MARK4: variants seen among roughly 807,000 people sequenced by gnomAD.
MARK4 encodes MAP/microtubule affinity-regulating kinase 4.
In MARK4, 19 loss-of-function variants were observed where a neutral mutation model predicts 81.5. That is an observed-to-expected ratio of 0.23 (90% CI 0.16 to 0.34). The LOEUF (loss-of-function observed/expected upper bound fraction) is 0.34, where lower values mean the gene tolerates loss of function less well. Among genes scored for constraint, MARK4 ranks in the 10% least tolerant of loss-of-function variants. MARK4 has a pLI of 1.00. For synonymous variants in MARK4, 436 were observed against 439.0 expected (o/e 0.99, Z 0.08); for missense variants, 772 against 1,058.8 (o/e 0.73, Z 3.76).
chr19:45,260,060 C>T (rs1313453635), intron 2 of MARK4, among the ~76,000 whole-genome samples: 1 of 151,318 alleles, frequency 6.6e-6, no homozygotes, highest in Non-Finnish European at 1.5e-5. Context: ...GCACTCCAGC[C>T]TGGGTGACAG....
chr19:45,293,301 C>T (rs1198446415), intron 13 of MARK4, among the ~76,000 whole-genome samples: 2 of 151,922 alleles, frequency 1.3e-5, no homozygotes, highest in East Asian at 3.9e-4. Flanking sequence ...CCAATGGACC[C>T]CTGGTAAAAA....
chr19:45,280,153 A>G, intron 10 of MARK4: 1 of 480,988 alleles, frequency 2.1e-6, no homozygotes, highest in Non-Finnish European at 3.8e-6. Context: ...GTTTCAAACC[A>G]GCCTGGACAA....
chr19:45,276,292 G>T lies in MARK4; in HGVS notation c.787-1631G>T, dbSNP rs886403940. Among the ~76,000 whole-genome samples the T allele has an allele frequency of 3.9e-5, 6 of 152,320 alleles. No homozygotes were observed. The South Asian group carries it at 1.0e-3, about 26-fold the overall frequency. On this transcript the variant is annotated intron_variant, in intron 8 of 16. Transcript: ENST00000262891. Reference sequence around the variant, plus strand: ...TCTTCCCACCTTGGCCTCCCGAAGTGCTGGGATTATAGACATAAGCCACCA... The same window carrying T: ...TCTTCCCACCTTGGCCTCCCGAAGTTCTGGGATTATAGACATAAGCCACCA...
At chr19:45,283,050 A>G (rs1273533047) in intron 12 of MARK4, among the ~76,000 whole-genome samples, 1 of 152,084 alleles carries the variant, frequency 6.6e-6, no homozygotes, top group Non-Finnish European at 1.5e-5. Flanking sequence ...AGAGTTGTAC[A>G]TCTATCATGA....
intron 8 of MARK4, among the ~76,000 whole-genome samples, chr19:45,274,077 G>A (rs972551222): frequency 4.0e-4 from 61 of 151,624 alleles, no homozygotes; most frequent in African/African-American, 1.2e-3. Flanking sequence ...CTGAAACCCC[G>A]TCTCTTCTAA....
chr19:45,278,162 A>T (rs1244543333), intron 9 of MARK4, 120 bp downstream of exon 9: 1 of 1,422,586 alleles, frequency 7.0e-7, no homozygotes, highest in East Asian at 2.3e-5. Flanking sequence ...CCCACCGAAG[A>T]TCTGCTGCTG....
rs569002843 is a variant in MARK4 at position 45,297,420 on chromosome 19, A to T, written c.1599-256A>T. ...TGCGTTTAGAGAGAGGAGAGTTGTG[A>T]TAGGAGATGATTTGGAGCGGGTAGA... On this transcript the variant is annotated intron_variant, in intron 14 of 16. Transcript: ENST00000262891. 1.2e-4 allele frequency among the ~76,000 whole-genome samples: 18 copies of T among 152,292 alleles called. No homozygotes were observed. In the South Asian group the frequency reaches 3.5e-3, roughly 30 times the overall value.
chr19:45,256,532 T>A (rs573279448), intron 1 of MARK4, among the ~76,000 whole-genome samples: 14 of 152,314 alleles, frequency 9.2e-5, no homozygotes, highest in Non-Finnish European at 1.6e-4. Context: ...CCACTGGGAA[T>A]CAAATGTTGA....
chr19:45,289,385 CA>C (rs35129419), intron 13 of MARK4, among the ~76,000 whole-genome samples: 2,271 of 51,574 alleles, frequency 0.044, 11 homozygotes, highest in East Asian at 0.12. Flanking sequence ...GACTCTGTTT[CA>C]AAAAAAAAAA....
intron 12 of MARK4, among the ~76,000 whole-genome samples, chr19:45,283,396 T>C (rs1294078988): frequency 8.3e-6 from 1 of 119,926 alleles, no homozygotes; most frequent in East Asian, 2.3e-4. Context: ...GCGATAAGAG[T>C]GAGACTTCCT....
In MARK4 at chr19:45,303,384, G is replaced by C. The variant is rs976197367; in HGVS notation, c.*674G>C. ...CCCCCCTCCCCAATGCTGACCCTAG[G>C]ATTTTCCTTCCCTGCCCTCACCTGC... On this transcript the variant is annotated 3_prime_UTR_variant, in exon 17 of 17. Coordinates refer to ENST00000262891, the MANE Select transcript of MARK4 (RefSeq NM_001199867.2). 22 of 152,342 alleles carry C rather than the reference G, an allele frequency of 1.4e-4. No individual in the cohort carries two copies. The highest frequency in any genetic ancestry group is 5.3e-4 in the African/African-American group (22 of 41,384). The allele number at this position is 152,342 out of a possible 1,614,324, so 9.4% of individuals were successfully genotyped here. A position where few individuals can be genotyped will look rare whatever the true frequency, so the allele number is the denominator to read the frequency against.
intron 2 of MARK4, among the ~76,000 whole-genome samples, chr19:45,261,339 TAAAG>T (rs1267880280): frequency 5.3e-5 from 8 of 152,130 alleles, no homozygotes; most frequent in African/African-American, 1.4e-4. Context: ...GCAAATCAAT[TAAAG>T]AAAGCTGTGT....
intron 16 of MARK4, among the ~76,000 whole-genome samples, chr19:45,301,569 A>AAAAAAAAAT (rs1970973008): frequency 6.7e-6 from 1 of 148,918 alleles, no homozygotes; most frequent in Non-Finnish European, 1.5e-5. Flanking sequence ...AAAAAAAAAA[A>AAAAAAAAAT]AAAAAAAAAA....
Position 45,303,874 on chromosome 19 carries a change from T to C in MARK4, c.*1164T>C. The stretch of plus-strand genomic sequence containing the variant: ...CTGGAATGGGGTGTTGAAGGATGAG[T>C]AGGAGTTAGTTAGGCATTGAGTTTG... On this transcript the variant is annotated 3_prime_UTR_variant, in exon 17 of 17. Coordinates refer to ENST00000262891, the MANE Select transcript of MARK4 (RefSeq NM_001199867.2). The C allele has an allele frequency of 6.6e-6, 1 of 151,904 alleles. No individual in the cohort carries two copies. The highest frequency in any genetic ancestry group is 1.9e-4 in the East Asian group (1 of 5,184). The allele number at this position is 151,904 out of a possible 1,614,324, so 9.4% of individuals were successfully genotyped here.
chr19:45,297,048 CA>C (rs35511511), intron 14 of MARK4, among the ~76,000 whole-genome samples: 2,321 of 90,530 alleles, frequency 0.026, 46 homozygotes, highest in African/African-American at 0.071. Flanking sequence ...GACTCTGTCT[CA>C]AAAAAAAAAA....
rs764644423 is a variant in MARK4, at chr19:45,259,096, G to A, written c.159G>A (p.Gln53=). Residue 53 remains glutamine, a synonymous_variant, in exon 2 of 17, where the codon CAG becomes CAA. Coordinates refer to ENST00000262891, the MANE Select transcript of MARK4 (RefSeq NM_001199867.2). ...RNSIASCPEE[Q]PHVGNYRLLR... is the part of the protein sequence containing the mutation. Reference sequence around the variant, plus strand: ...CCATCGCCTCCTGTCCCGAGGAGCAGCCCCACGTGGGCAACTACCGCCTGC... The same window carrying A: ...CCATCGCCTCCTGTCCCGAGGAGCAACCCCACGTGGGCAACTACCGCCTGC... The A allele has an allele frequency of 6.2e-7, 1 of 1,614,058 alleles. No homozygotes were observed. Among genetic ancestry groups the A allele is most frequent in the African/African-American group, 1.3e-5 (1 of 74,956 alleles).
intron 1 of MARK4, among the ~76,000 whole-genome samples, chr19:45,252,116 C>T (rs1339988954): frequency 1.3e-5 from 2 of 152,014 alleles, no homozygotes; most frequent in East Asian, 3.9e-4. Flanking sequence ...TGCCGGCTCC[C>T]CAGGAGCCCC....
chr19:45,276,546 C>T (rs1970599912), intron 8 of MARK4, among the ~76,000 whole-genome samples: 1 of 151,822 alleles, frequency 6.6e-6, no homozygotes, highest in Admixed American at 6.6e-5. Flanking sequence ...AGTAGGGTCT[C>T]CTTCCCCTTG....
chr19:45,277,433 A>ATTTT (rs35920861), intron 8 of MARK4, among the ~76,000 whole-genome samples: 14 of 131,858 alleles, frequency 1.1e-4, no homozygotes, highest in African/African-American at 1.5e-4. Flanking sequence ...TGTAGCTTAA[A>ATTTT]TTTTTTTTTT....
Sources: allele counts gnomAD v4.1 joint callset (sites outside exome capture counted in the v4.1 genomes callset), GRCh38; gene constraint gnomAD v4.1.1; transcripts MANE v1.5; gene names NCBI Gene and HGNC (gene_info 2026-07-23, HGNC 2026-07-21).